Variants in POU6F2 observed in about 807,000 individuals in gnomAD.
POU6F2 encodes the protein POU domain, class 6, transcription factor 2.
POU6F2 carries 31 observed loss-of-function variants against 71.3 expected under a neutral mutation model. That is an observed-to-expected ratio of 0.43 (90% confidence interval 0.33 to 0.59). The LOEUF (loss-of-function observed/expected upper bound fraction) is 0.59. Ranked by LOEUF, POU6F2 falls within the 20% of genes least tolerant of loss-of-function variation. POU6F2 has a pLI of 0.04. For missense variants in POU6F2, 783 were observed against 856.8 expected (o/e 0.91, Z 1.07); for synonymous variants, 347 against 355.7 (o/e 0.98, Z 0.27).
chr7:39,044,561 G>T (rs962780231), intron 1 of POU6F2, among the ~76,000 whole-genome samples: 1 of 151,890 alleles, frequency 6.6e-6, no homozygotes, highest in Non-Finnish European at 1.5e-5. Context: ...TTTATAAAGC[G>T]ATTTTCAAAA....
At position 39,068,599 on chromosome 7, in the gene POU6F2, G is replaced by T. The variant is rs186045781; in HGVS notation, c.106-17261G>T. Among the ~76,000 whole-genome samples, 10 of 151,968 alleles carry T rather than the reference G, an allele frequency of 6.6e-5. No homozygotes were observed. In the East Asian group the frequency reaches 1.9e-3, roughly 29 times the overall value. On this transcript the variant is annotated intron_variant, in intron 1 of 9. Coordinates refer to ENST00000518318, the MANE Select transcript of POU6F2 (RefSeq NM_001370959.1). The stretch of plus-strand genomic sequence containing the variant: ...AAAAATAAATGTAGACTGTCAAGTT[G>T]AAGAGCAATTTTGAAAGGTTAAATG...
chr7:39,088,821 T>C (rs752200566), intron 2 of POU6F2, among the ~76,000 whole-genome samples: 1 of 152,236 alleles, frequency 6.6e-6, no homozygotes, highest in African/African-American at 2.4e-5. Flanking sequence ...ATCTGTGTAC[T>C]GTTCAAATTA....
chr7:39,322,775 C>T (rs1227449972), intron 4 of POU6F2, among the ~76,000 whole-genome samples: 3 of 152,198 alleles, frequency 2.0e-5, no homozygotes, highest in African/African-American at 7.2e-5. Flanking sequence ...TATATATTTT[C>T]AAGAAAGGAA....
chr7:39,395,536 AGACT>A (rs1193455032), intron 5 of POU6F2, among the ~76,000 whole-genome samples: 5 of 152,146 alleles, frequency 3.3e-5, no homozygotes, highest in African/African-American at 7.2e-5. Context: ...TACGTAGGGT[AGACT>A]ATATGGGCAG....
chr7:39,309,090 C>T (rs1177324164), intron 4 of POU6F2, among the ~76,000 whole-genome samples: 1 of 152,194 alleles, frequency 6.6e-6, no homozygotes, highest in African/African-American at 2.4e-5. Flanking sequence ...TGTTTGCCCC[C>T]CATGTAGATA....
chr7:39,151,396 C>T (rs1054449521), intron 2 of POU6F2, among the ~76,000 whole-genome samples: 10 of 152,156 alleles, frequency 6.6e-5, no homozygotes, highest in Admixed American at 4.6e-4. Context: ...TCTCTGGGGG[C>T]CCATTAGCTA....
intron 5 of POU6F2, among the ~76,000 whole-genome samples, chr7:39,342,004 CT>C (rs1469807846): frequency 2.6e-5 from 4 of 152,162 alleles, no homozygotes; most frequent in Non-Finnish European, 4.4e-5. Flanking sequence ...ACATTTCTTT[CT>C]TTGTAACACT....
intron 6 of POU6F2, among the ~76,000 whole-genome samples, chr7:39,430,057 G>C (rs1390005080): frequency 6.6e-6 from 1 of 152,148 alleles, no homozygotes; most frequent in Non-Finnish European, 1.5e-5. Context: ...CGTGCTAAAA[G>C]GAATCAGAGC....
intron 2 of POU6F2, among the ~76,000 whole-genome samples, chr7:39,107,033 T>G (rs576316804): frequency 6.8e-6 from 1 of 146,922 alleles, no homozygotes; most frequent in African/African-American, 2.5e-5. Flanking sequence ...TTCTTTTTCT[T>G]TCTTTCTTTT....
At chr7:39,179,014 G>A (rs553226197) in intron 2 of POU6F2, among the ~76,000 whole-genome samples, 82 of 152,226 alleles carry the variant, frequency 5.4e-4, no homozygotes, top group African/African-American at 1.9e-3. Context: ...TATAGGTTCT[G>A]CTCTGGAGCT....
At chr7:39,112,824 C>A (rs1458047760) in intron 2 of POU6F2, among the ~76,000 whole-genome samples, 1 of 152,104 alleles carries the variant, frequency 6.6e-6, no homozygotes, top group Non-Finnish European at 1.5e-5. Context: ...CAATGCTAAT[C>A]AGATTTCTAA....
chr7:39,266,226 G>C (rs1039396417), intron 4 of POU6F2, among the ~76,000 whole-genome samples: 2 of 152,196 alleles, frequency 1.3e-5, no homozygotes, highest in African/African-American at 2.4e-5. Flanking sequence ...TGCTTAAAAA[G>C]TGTCCAAAAA....
At chr7:39,366,443 A>C (rs868443528) in intron 5 of POU6F2, among the ~76,000 whole-genome samples, 4 of 152,190 alleles carry the variant, frequency 2.6e-5, no homozygotes, top group African/African-American at 7.2e-5. Context: ...CAAAGGCTTC[A>C]AGGAATGAGG....
At position 39,246,452 on chromosome 7, in the gene POU6F2, C is replaced by CTT. The variant is rs1783822791; in HGVS notation, c.598+38835_598+38836dup. Among the ~76,000 whole-genome samples the CTT allele has an allele frequency of 2.6e-5, 4 of 152,256 alleles. No individual in the cohort carries two copies. In the South Asian group the frequency reaches 6.2e-4, roughly 24 times the overall value. On this transcript the variant is annotated intron_variant, in intron 4 of 9. Coordinates refer to ENST00000518318, the MANE Select transcript of POU6F2 (RefSeq NM_001370959.1). ...TAAGCTGACCCCCTACTGAAAGCGA[C>CTT]TTTTAAGGAACATTAGTGGAAGATG...
intron 4 of POU6F2, among the ~76,000 whole-genome samples, chr7:39,270,148 A>G (rs1336285217): frequency 1.3e-5 from 2 of 152,314 alleles, no homozygotes; most frequent in African/African-American, 4.8e-5. Flanking sequence ...CTTAGCTTCA[A>G]ATTCCAGCGG....
chr7:39,270,665 A>G (rs1166390387), intron 4 of POU6F2, among the ~76,000 whole-genome samples: 1 of 152,144 alleles, frequency 6.6e-6, no homozygotes, highest in Non-Finnish European at 1.5e-5. Context: ...AAATCAAGCT[A>G]CAATGGAACA....
rs532344646 is a variant in POU6F2, at chr7:39,035,067, G to T, written c.106-50793G>T. On this transcript the variant is annotated intron_variant, in intron 1 of 9. Transcript: ENST00000518318. ...TTTATATGCACAGACACACACATAT[G>T]TATTATATATGTGTGTATATATATT... Among the ~76,000 whole-genome samples the T allele has an allele frequency of 1.9e-3, 285 of 151,522 alleles. 1 individual carries two copies. Among genetic ancestry groups the T allele is most frequent in the African/African-American group, 6.6e-3 (274 of 41,380 alleles).
At chr7:39,119,764 T>C (rs1252966201) in intron 2 of POU6F2, among the ~76,000 whole-genome samples, 1 of 152,230 alleles carries the variant, frequency 6.6e-6, no homozygotes, top group Non-Finnish European at 1.5e-5. Flanking sequence ...ACCTAAAGAA[T>C]AGGTATTCTC....
At chr7:39,353,670 G>A (rs1243575643) in intron 5 of POU6F2, among the ~76,000 whole-genome samples, 1 of 152,148 alleles carries the variant, frequency 6.6e-6, no homozygotes, top group Non-Finnish European at 1.5e-5. Context: ...GAATGACTAA[G>A]CAGTGCTGGA....
Sources: gnomAD v4.1 joint callset for allele counts (sites outside exome capture counted in the v4.1 genomes callset) on GRCh38, gnomAD v4.1.1 for gene constraint, MANE v1.5 for transcripts, NCBI Gene and HGNC (gene_info 2026-07-23, HGNC 2026-07-21) for gene names.